The following GJB7 variants were observed in gnomAD, a reference collection of about 807,000 sequenced individuals.
GJB7 encodes the protein gap junction protein beta 7.
For synonymous variants in GJB7, 87 were observed against 95.2 expected (o/e 0.91, Z 0.50); for missense variants, 253 against 256.8 (o/e 0.99, Z 0.10).
intron 2 of GJB7, chr6:87,322,544 G>A (rs181491): frequency 6.6e-6 from 1 of 152,048 alleles, no homozygotes; most frequent in African/African-American, 2.4e-5. Flanking sequence ...GGCGCCGGGC[G>A]GGGCGCCCTC....
chr6:87,324,830 G>A (rs1776776364), intron 1 of GJB7, among the ~76,000 whole-genome samples: 1 of 152,198 alleles, frequency 6.6e-6, no homozygotes, highest in Admixed American at 6.5e-5. Context: ...GCTTGATGGG[G>A]ATGGCATTGA....
At chr6:87,306,048 A>G (rs911586939) in intron 2 of GJB7, among the ~76,000 whole-genome samples, 2 of 151,856 alleles carry the variant, frequency 1.3e-5, no homozygotes, top group Admixed American at 1.3e-4. Flanking sequence ...AAAGACTTAA[A>G]CGTTAGACCT....
At chr6:87,322,838 C>G (rs1406350521) in intron 2 of GJB7, 28 bp downstream of exon 2, 2 of 152,300 alleles carry the variant, frequency 1.3e-5, no homozygotes, top group African/African-American at 4.8e-5. Context: ...AGCTCTCTGG[C>G]CCCACAGAGC....
intron 2 of GJB7, chr6:87,300,146 G>C (rs746553432): frequency 6.5e-5 from 16 of 245,192 alleles, no homozygotes; most frequent in African/African-American, 3.4e-4. Context: ...TTAAAAATTC[G>C]TACAGAAGTT....
intron 2 of GJB7, among the ~76,000 whole-genome samples, chr6:87,312,386 C>T (rs906708258): frequency 6.6e-6 from 1 of 151,934 alleles, no homozygotes; most frequent in Non-Finnish European, 1.5e-5. Flanking sequence ...TTGGCAGGCA[C>T]CTGTAATCCC....
chr6:87,315,519 C>T (rs1342793139), intron 2 of GJB7, among the ~76,000 whole-genome samples: 1 of 152,070 alleles, frequency 6.6e-6, no homozygotes, highest in East Asian at 1.9e-4. Context: ...AGGCCAGGTA[C>T]GGTGGCTCAC....
chr6:87,284,639 C>T lies in GJB7; in HGVS notation c.274G>A (p.Val92Ile), dbSNP rs146027273. The stretch of plus-strand genomic sequence containing the variant: ...CCCTCATGATAGGCTACATGTAAAA[C>T]CACCAGAAGTGAAGGTGTGGAGACC... ...IMVSTPSLLV[V>I]LHVAYHEGRE... is the part of the protein sequence containing the mutation. Residue 92 changes from valine to isoleucine, a missense_variant, in exon 3 of 3, where the codon GTT (valine) becomes ATT (isoleucine). Coordinates refer to ENST00000525899, the MANE Select transcript of GJB7 (RefSeq NM_198568.3). 6.2e-7 allele frequency: 1 copy of T among 1,614,168 alleles called. No individual in the cohort carries two copies. Among genetic ancestry groups the T allele is most frequent in the Non-Finnish European group, 8.5e-7 (1 of 1,180,040 alleles).
At chr6:87,321,993 G>A (rs1776673614) in intron 2 of GJB7, among the ~76,000 whole-genome samples, 1 of 152,196 alleles carries the variant, frequency 6.6e-6, no homozygotes, top group African/African-American at 2.4e-5. Flanking sequence ...ACACAAGGGG[G>A]CTATTATTCC....
In GJB7 at chr6:87,284,812, A is replaced by G; in HGVS notation, c.101T>C (p.Leu34Pro). 2 of 1,614,154 alleles carry G rather than the reference A, an allele frequency of 1.2e-6. No homozygotes were observed. The highest frequency in any genetic ancestry group is 1.7e-6 in the Non-Finnish European group (2 of 1,180,020). ...GTGCTCTGCTGCCACCATGTAGACC[A>G]GCAAACGGAAGACAAACACGACAGC... ...WLAVVFVFRL[L>P]VYMVAAEHVW... Residue 34 changes from leucine (L) to proline (P), a missense_variant, in exon 3 of 3, where the codon CTG becomes CCG. Transcript: ENST00000525899.
intron 2 of GJB7, chr6:87,299,530 C>T (rs2057189): frequency 3.4e-6 from 1 of 289,974 alleles, no homozygotes; most frequent in African/African-American, 2.2e-5. Flanking sequence ...TGTACCTGCT[C>T]TTTAAATTGC....
intron 1 of GJB7, among the ~76,000 whole-genome samples, chr6:87,324,668 T>C (rs1208266154): frequency 1.3e-5 from 2 of 151,560 alleles, no homozygotes; most frequent in East Asian, 1.9e-4. Context: ...TTTTGGTTAC[T>C]GTAGCCTTGT....
chr6:87,322,490 C>T (rs928331481), intron 2 of GJB7: 33 of 152,414 alleles, frequency 2.2e-4, no homozygotes, highest in African/African-American at 7.5e-4. Flanking sequence ...TCCCCGCAGC[C>T]CCGCGCCGCT....
chr6:87,305,205 G>T (rs1272393425), intron 2 of GJB7, among the ~76,000 whole-genome samples: 1 of 152,046 alleles, frequency 6.6e-6, no homozygotes, highest in Admixed American at 6.6e-5. Flanking sequence ...GAAATAAAGG[G>T]TATTCAATTA....
Position 87,284,100 on chromosome 6 carries a change from T to G in GJB7, c.*141A>C, listed in dbSNP as rs1776016100. On this transcript the variant is annotated 3_prime_UTR_variant, in exon 3 of 3. Transcript: ENST00000525899. ...GGCCTTGCTGAGGAGGGATGCAGGT[T>G]TTCTTTGTTTAACCCTCTTGTGTGT... The G allele has an allele frequency of 2.9e-6, 2 of 678,462 alleles. No individual in the cohort carries two copies. The highest frequency in any genetic ancestry group is 5.0e-6 in the Non-Finnish European group (2 of 400,996). 42.0% of individuals were successfully genotyped at this position (678,462 alleles called of 1,614,324 possible). A position where few individuals can be genotyped will look rare whatever the true frequency, so the allele number is the denominator to read the frequency against.
intron 1 of GJB7, 86 bp from the exon 2 acceptor site, chr6:87,323,129 C>T (rs894387279): frequency 6.7e-6 from 1 of 149,628 alleles, no homozygotes; most frequent in Non-Finnish European, 1.5e-5. Flanking sequence ...GCCTTCGGCA[C>T]CGAACAGTAG....
chr6:87,295,519 T>C (rs1231921047), intron 2 of GJB7, among the ~76,000 whole-genome samples: 2 of 152,124 alleles, frequency 1.3e-5, no homozygotes, highest in East Asian at 1.9e-4. Flanking sequence ...TTCTGCCTGA[T>C]GTAGGAAAGA....
intron 1 of GJB7, among the ~76,000 whole-genome samples, 187 bp downstream of exon 1, chr6:87,328,951 G>C (rs1169722974): frequency 6.6e-6 from 1 of 152,186 alleles, no homozygotes; most frequent in Non-Finnish European, 1.5e-5. Context: ...ATATAATCTC[G>C]TGGTGCGCCA....
At chr6:87,302,237 A>ATC in intron 2 of GJB7, among the ~76,000 whole-genome samples, 1 of 152,060 alleles carries the variant, frequency 6.6e-6, no homozygotes, top group Admixed American at 6.5e-5. Flanking sequence ...TCCAAGCTAA[A>ATC]GGAGGAAGTT....
intron 2 of GJB7, 102 bp from the exon 3 acceptor site, chr6:87,285,041 A>G: frequency 1.3e-6 from 1 of 744,270 alleles, no homozygotes; most frequent in Non-Finnish European, 2.1e-6. Context: ...TTTCTGCATT[A>G]TAACAACTCT....
Sources: gnomAD v4.1 joint callset for allele counts (sites outside exome capture counted in the v4.1 genomes callset) on GRCh38, gnomAD v4.1.1 for gene constraint, MANE v1.5 for transcripts, NCBI Gene and HGNC (gene_info 2026-07-23, HGNC 2026-07-21) for gene names.